The following FOXO3 variants were observed in gnomAD, a reference collection of about 807,000 sequenced individuals.
The protein encoded by FOXO3 is forkhead box protein O3.
In FOXO3, 4 loss-of-function variants were observed where a neutral mutation model predicts 41.9. That is an observed-to-expected ratio of 0.10 (90% CI 0.05 to 0.22). FOXO3 has a LOEUF of 0.22. FOXO3 is among the 10% of genes least tolerant of loss of function. The pLI is 1.00. For synonymous variants in FOXO3, 318 were observed against 389.3 expected (o/e 0.82, Z 2.16); for missense variants, 534 against 906.8 (o/e 0.59, Z 5.28).
chr6:108,635,301 A>T (rs1935956), intron 1 of FOXO3, among the ~76,000 whole-genome samples: 151,789 of 152,088 alleles, frequency 1, 75,745 homozygotes, highest in East Asian at 1. Context: ...TCTCAAAAAA[A>T]AATAATAATA....
intron 1 of FOXO3, among the ~76,000 whole-genome samples, chr6:108,574,944 G>A (rs1413562224): frequency 6.6e-6 from 1 of 152,194 alleles, no homozygotes; most frequent in African/African-American, 2.4e-5. Context: ...TGAGCAGGCA[G>A]CAGGATGCTA....
At chr6:108,630,445 G>T (rs1166686538) in intron 1 of FOXO3, among the ~76,000 whole-genome samples, 1 of 152,174 alleles carries the variant, frequency 6.6e-6, no homozygotes, top group Non-Finnish European at 1.5e-5. Flanking sequence ...TTGTGGCTGT[G>T]AGACTTTCAA....
chr6:108,611,614 TTAA>T (rs1777366609), intron 1 of FOXO3, among the ~76,000 whole-genome samples: 1 of 152,236 alleles, frequency 6.6e-6, no homozygotes, highest in Admixed American at 6.5e-5. Context: ...TGCTTAATGA[TTAA>T]TAATGTTATG....
intron 1 of FOXO3, among the ~76,000 whole-genome samples, chr6:108,582,366 G>C (rs1776445617): frequency 6.6e-6 from 1 of 152,196 alleles, no homozygotes; most frequent in Non-Finnish European, 1.5e-5. Context: ...CATCTGTGAA[G>C]TCATCTGGGA....
chr6:108,657,904 T>A (rs1778734082), intron 1 of FOXO3, among the ~76,000 whole-genome samples: 1 of 152,176 alleles, frequency 6.6e-6, no homozygotes, highest in Admixed American at 6.5e-5. Flanking sequence ...TTGAACAATG[T>A]AGGTTTGAAT....
chr6:108,650,906 A>G (rs149939258), intron 1 of FOXO3, among the ~76,000 whole-genome samples: 65 of 152,286 alleles, frequency 4.3e-4, no homozygotes, highest in African/African-American at 1.5e-3. Context: ...TGGAATAAAT[A>G]GTTGACTTGG....
At chr6:108,560,475 C>G (rs1775739796), upstream of FOXO3, among the ~76,000 whole-genome samples, 1 of 152,212 alleles carries the variant, frequency 6.6e-6, no homozygotes, top group Admixed American at 6.5e-5. Context: ...GGCCCATCTG[C>G]GCCCAGACCC....
rs181806520 is a variant in FOXO3 at position 108,576,510 on chromosome 6, G to A, written c.621+14681G>A. ...CATGTGTTAAATTAGGAAAGGTAAC[G>A]TGCTGCTAGTGAAAACTGTGTCTTC... On this transcript the variant is annotated intron_variant, in intron 1 of 2. Transcript: ENST00000406360. 1.5e-3 allele frequency among the ~76,000 whole-genome samples: 229 copies of A among 152,316 alleles called. 1 individual carries two copies. The Middle Eastern group carries it at 0.027, about 18-fold the overall frequency.
chr6:108,624,312 T>TAA (rs201342359), intron 1 of FOXO3, among the ~76,000 whole-genome samples: 66 of 142,276 alleles, frequency 4.6e-4, no homozygotes, highest in African/African-American at 1.6e-3. Context: ...GAATAATGGT[T>TAA]AAAAAAAAAA....
At chr6:108,580,465 C>T (rs1050152624) in intron 1 of FOXO3, among the ~76,000 whole-genome samples, 6 of 152,130 alleles carry the variant, frequency 3.9e-5, no homozygotes, top group Non-Finnish European at 7.4e-5. Flanking sequence ...GGATTACAGG[C>T]GTGAGCCACC....
intron 1 of FOXO3, among the ~76,000 whole-genome samples, chr6:108,577,495 G>A (rs1776293334): frequency 6.6e-6 from 1 of 152,090 alleles, no homozygotes; most frequent in South Asian, 2.1e-4. Flanking sequence ...CCTATCCACT[G>A]GTCACCTTAC....
Position 108,664,045 on chromosome 6 carries a change from T to G in FOXO3, c.1212T>G (p.Thr404=), listed in dbSNP as rs1420971849. The change falls in exon 2 of 3, where the codon ACT becomes ACG. Residue 404 remains threonine, a synonymous_variant. Transcript: ENST00000406360. The stretch of plus-strand genomic sequence containing the variant: ...TCCCGCCATCCCAGCCATCGCCCAC[T>G]GGGGGACTCATGCAGCGGAGCTCTA... ...ITLPPSQPSP[T]GGLMQRSSSF... 6.2e-7 allele frequency: 1 copy of G among 1,614,164 alleles called. No individual in the cohort carries two copies. The highest frequency in any genetic ancestry group is 8.5e-7 in the Non-Finnish European group (1 of 1,180,022).
intron 1 of FOXO3, among the ~76,000 whole-genome samples, chr6:108,655,234 C>T (rs1006134556): frequency 4.6e-5 from 7 of 152,120 alleles, no homozygotes; most frequent in Non-Finnish European, 7.4e-5. Context: ...GATCTTTCCC[C>T]TCACCTCATG....
chr6:108,626,653 A>G (rs1398360690), intron 1 of FOXO3, among the ~76,000 whole-genome samples: 2 of 151,944 alleles, frequency 1.3e-5, no homozygotes, highest in East Asian at 3.9e-4. Context: ...CCCATTCTGC[A>G]TATTTCAGAG....
chr6:108,614,865 A>G (rs1009141555), intron 1 of FOXO3, among the ~76,000 whole-genome samples: 1 of 150,494 alleles, frequency 6.6e-6, no homozygotes, highest in African/African-American at 2.4e-5. Flanking sequence ...CCTTCTCTTG[A>G]GTTAGGTGGT....
chr6:108,646,760 C>A (rs1778402732), intron 1 of FOXO3, among the ~76,000 whole-genome samples: 2 of 152,192 alleles, frequency 1.3e-5, no homozygotes, highest in Non-Finnish European at 2.9e-5. Context: ...TTCTTTCCTC[C>A]TGCATTTTAT....
intron 1 of FOXO3, among the ~76,000 whole-genome samples, chr6:108,590,450 T>G (rs1256966675): frequency 6.6e-6 from 1 of 152,216 alleles, no homozygotes; most frequent in Non-Finnish European, 1.5e-5. Flanking sequence ...AAAACTTTGT[T>G]CTGTGCACGA....
chr6:108,565,201 G>A (rs1258395314), intron 1 of FOXO3, among the ~76,000 whole-genome samples: 3 of 152,112 alleles, frequency 2.0e-5, no homozygotes, highest in Non-Finnish European at 2.9e-5. Flanking sequence ...GGGTACTTAG[G>A]AACTATGAAG....
chr6:108,639,480 G>A, intron 1 of FOXO3: 1 of 853,270 alleles, frequency 1.2e-6, no homozygotes. Context: ...TTCTTTCTGT[G>A]CTTTGCCCTC....
Sources: gnomAD v4.1 joint callset for allele counts (sites outside exome capture counted in the v4.1 genomes callset) on GRCh38, gnomAD v4.1.1 for gene constraint, MANE v1.5 for transcripts, NCBI Gene and HGNC (gene_info 2026-07-23, HGNC 2026-07-21) for gene names.